FAM163A: variants seen among roughly 807,000 people sequenced by gnomAD.
FAM163A encodes the protein protein FAM163A.
Under a neutral mutation model 12.0 loss-of-function variants are expected in FAM163A, and 7 were observed. That is an observed-to-expected ratio of 0.58 (90% CI 0.33 to 1.10). The LOEUF (loss-of-function observed/expected upper bound fraction) is 1.10, where lower values mean the gene tolerates loss of function less well. Among genes scored for constraint, FAM163A ranks in the 50% least tolerant of loss-of-function variants. The pLI, the probability that FAM163A is intolerant of heterozygous loss-of-function variation, is 0.03. For missense variants in FAM163A, 202 were observed against 218.6 expected, an observed-to-expected ratio of 0.92 and a Z score of 0.48; for synonymous variants, 101 against 91.0, an observed-to-expected ratio of 1.11 and a Z score of -0.62.
chr1:179,809,494 C>T (rs1440080817), intron 2 of FAM163A, among the ~76,000 whole-genome samples: 1 of 152,192 alleles, frequency 6.6e-6, no homozygotes, highest in Non-Finnish European at 1.5e-5. Context: ...CTCAGTGGCA[C>T]AGGTGATCCT....
At chr1:179,783,751 ATATATATTATATAATTTAT>A (rs1690161760) in intron 1 of FAM163A, among the ~76,000 whole-genome samples, 3 of 144,734 alleles carry the variant, frequency 2.1e-5, no homozygotes, top group African/African-American at 7.6e-5. Flanking sequence ...CAAATATTAT[ATATATATTATATAATTTAT>A]TATATATATA....
chr1:179,793,525 C>T (rs890897476), intron 1 of FAM163A, among the ~76,000 whole-genome samples: 15 of 152,078 alleles, frequency 9.9e-5, no homozygotes, highest in African/African-American at 3.4e-4. Context: ...TTCCATGGAC[C>T]GCTGGTTTAG....
At chr1:179,758,823 C>A (rs1245718128) in intron 1 of FAM163A, among the ~76,000 whole-genome samples, 2 of 152,220 alleles carry the variant, frequency 1.3e-5, no homozygotes, top group African/African-American at 4.8e-5. Context: ...GACCCCCAGA[C>A]TTCCCCACAG....
At chr1:179,750,409 G>A (rs1023347897) in intron 1 of FAM163A, among the ~76,000 whole-genome samples, 2 of 152,224 alleles carry the variant, frequency 1.3e-5, no homozygotes, top group Non-Finnish European at 2.9e-5. Flanking sequence ...CATTCAGGAA[G>A]GAGCTGGAAG....
At chr1:179,788,670 A>G (rs1450824810) in intron 1 of FAM163A, among the ~76,000 whole-genome samples, 1 of 152,158 alleles carries the variant, frequency 6.6e-6, no homozygotes, top group Admixed American at 6.5e-5. Context: ...TATCCCAGGG[A>G]TCTTGCAACA....
intron 1 of FAM163A, among the ~76,000 whole-genome samples, chr1:179,787,010 C>T (rs1012458252): frequency 1.3e-5 from 2 of 152,234 alleles, no homozygotes; most frequent in African/African-American, 2.4e-5. Context: ...GGGAGGGAGA[C>T]CTTCCTACCC....
chr1:179,771,736 A>G (rs1210742292), intron 1 of FAM163A, among the ~76,000 whole-genome samples: 1 of 151,366 alleles, frequency 6.6e-6, no homozygotes, highest in Non-Finnish European at 1.5e-5. Flanking sequence ...CCCCAGCTCC[A>G]CTGCTGTTAC....
chr1:179,804,095 C>T (rs1026337505), intron 1 of FAM163A: 4 of 151,982 alleles, frequency 2.6e-5, no homozygotes, highest in Non-Finnish European at 5.9e-5. Context: ...CCCCTGCTGC[C>T]TCCAGATTGA....
the FAM163A span, among the ~76,000 whole-genome samples, chr1:179,729,257 T>C: frequency 6.6e-6 from 1 of 152,338 alleles, no homozygotes; most frequent in South Asian, 2.1e-4. Context: ...GTTCTATGTA[T>C]GTGTTTTATT....
At chr1:179,762,793 A>G (rs1257347938) in intron 1 of FAM163A, among the ~76,000 whole-genome samples, 2 of 152,240 alleles carry the variant, frequency 1.3e-5, no homozygotes, top group Non-Finnish European at 2.9e-5. Flanking sequence ...GAATGAGGCC[A>G]TTGTGAACAC....
rs552289678 is a variant in FAM163A, at chr1:179,785,527, GGTTT to G, written c.-135-22267_-135-22264del. The stretch of plus-strand genomic sequence containing the variant: ...CAGCCCACACTCCAGCTTTGGTTTT[GGTTT>G]GTTGTTTTTGTTTTGGGGGAGTGGG... On this transcript the variant is annotated intron_variant, in intron 1 of 4. Coordinates refer to ENST00000341785, the MANE Select transcript of FAM163A (RefSeq NM_173509.3). Among the ~76,000 whole-genome samples the G allele has an allele frequency of 4.3e-4, 65 of 152,190 alleles. 1 individual carries two copies. In the South Asian group the frequency reaches 5.2e-3, roughly 12 times the overall value.
intron 4 of FAM163A, 113 bp downstream of exon 4, chr1:179,813,303 G>T (rs770358644): frequency 5.8e-5 from 61 of 1,053,502 alleles, no homozygotes; most frequent in Admixed American, 4.7e-4. Context: ...CCAAAGCTAT[G>T]GAATGTAGCA....
At chr1:179,762,173 C>T (rs536765781) in intron 1 of FAM163A, among the ~76,000 whole-genome samples, 3 of 152,270 alleles carry the variant, frequency 2.0e-5, no homozygotes, top group East Asian at 1.9e-4. Flanking sequence ...GTCATATAAT[C>T]GTATCAAGGC....
At chr1:179,772,704 C>G (rs550989889) in intron 1 of FAM163A, among the ~76,000 whole-genome samples, 1 of 152,228 alleles carries the variant, frequency 6.6e-6, no homozygotes, top group Admixed American at 6.5e-5. Context: ...AAATCTACTT[C>G]TCTCTCACTT....
chr1:179,799,486 G>A (rs757016515), intron 1 of FAM163A, among the ~76,000 whole-genome samples: 5 of 152,260 alleles, frequency 3.3e-5, no homozygotes, highest in African/African-American at 7.2e-5. Context: ...TAGCAAGAAC[G>A]ACTCTGGTCA....
At chr1:179,782,739 G>A (rs1444474949) in intron 1 of FAM163A, among the ~76,000 whole-genome samples, 4 of 152,170 alleles carry the variant, frequency 2.6e-5, no homozygotes, top group Non-Finnish European at 4.4e-5. Flanking sequence ...CTGAGTCCGC[G>A]CTTTCATGTT....
chr1:179,740,657 A>G (rs1683527731), upstream of FAM163A, among the ~76,000 whole-genome samples: 1 of 152,226 alleles, frequency 6.6e-6, no homozygotes, highest in Non-Finnish European at 1.5e-5. Context: ...CATTTAAATA[A>G]CATTCTTGAA....
At chr1:179,759,512 G>A (rs927102494) in intron 1 of FAM163A, among the ~76,000 whole-genome samples, 1 of 152,130 alleles carries the variant, frequency 6.6e-6, no homozygotes, top group African/African-American at 2.4e-5. Context: ...CCAGTCACAT[G>A]AGGGACAAGG....
the FAM163A span, among the ~76,000 whole-genome samples, chr1:179,728,206 T>C: frequency 2.3e-4 from 35 of 152,298 alleles, no homozygotes; most frequent in African/African-American, 8.4e-4. Flanking sequence ...CAAAGTTCAT[T>C]TTTTCCTAAA....
Sources: allele counts gnomAD v4.1 joint callset (sites outside exome capture counted in the v4.1 genomes callset), GRCh38; gene constraint gnomAD v4.1.1; transcripts MANE v1.5; gene names NCBI Gene and HGNC (gene_info 2026-07-23, HGNC 2026-07-21).